Variants in RTN4IP1 observed in about 807,000 individuals in gnomAD.
RTN4IP1 encodes NAD(P)H oxidoreductase RTN4IP1, mitochondrial.
Under a neutral mutation model 46.6 loss-of-function variants are expected in RTN4IP1, and 32 were observed. The observed-to-expected ratio is 0.69, with a 90% confidence interval of 0.52 to 0.92. The LOEUF (loss-of-function observed/expected upper bound fraction) is 0.92. RTN4IP1 is among the 40% of genes least tolerant of loss of function. RTN4IP1 has a pLI of 0.00. For synonymous variants in RTN4IP1, 167 were observed against 161.8 expected, an observed-to-expected ratio of 1.03 and a Z score of -0.24; for missense variants, 424 against 485.8, an observed-to-expected ratio of 0.87 and a Z score of 1.20.
intron 4 of RTN4IP1, among the ~76,000 whole-genome samples, chr6:106,618,566 GA>G (rs1362789713): frequency 1.3e-5 from 2 of 152,214 alleles, no homozygotes; most frequent in African/African-American, 4.8e-5. Flanking sequence ...AAAAGTGAGT[GA>G]GTGGGTCACC....
chr6:106,586,662 C>T (rs1174325547), intron 7 of RTN4IP1, among the ~76,000 whole-genome samples: 2 of 152,070 alleles, frequency 1.3e-5, no homozygotes, highest in South Asian at 2.1e-4. Flanking sequence ...CATAAGACAC[C>T]GTGCCCAGCC....
In RTN4IP1 at chr6:106,628,976, C is replaced by A; in HGVS notation, c.46G>T (p.Ala16Ser). ...ACTTTGCTTCTCCAGAAGCAAACCGCAGTGCATGCATTTCTTCTAAGTACA... is the reference window on the plus strand; with the variant it reads ...ACTTTGCTTCTCCAGAAGCAAACCGAAGTGCATGCATTTCTTCTAAGTACA... Reference protein sequence around the residue: ...TCVLRRNACTAVCFWRSKVVQ... With the variant: ...TCVLRRNACTSVCFWRSKVVQ... Residue 16 changes from alanine (A) to serine (S), a missense_variant, in exon 1 of 9, where the codon GCG becomes TCG. Coordinates refer to ENST00000369063, the MANE Select transcript of RTN4IP1 (RefSeq NM_032730.5). 1.2e-6 allele frequency: 2 copies of A among 1,614,000 alleles called. No individual in the cohort carries two copies. Among genetic ancestry groups the A allele is most frequent in the Non-Finnish European group, 1.7e-6 (2 of 1,179,968 alleles).
At chr6:106,577,203 G>A (rs1254405488) in intron 8 of RTN4IP1, among the ~76,000 whole-genome samples, 1 of 152,058 alleles carries the variant, frequency 6.6e-6, no homozygotes, top group East Asian at 1.9e-4. Flanking sequence ...GGGAAGCCCA[G>A]GCAGGCAGAT....
chr6:106,622,168 CA>C (rs11351010), intron 2 of RTN4IP1, among the ~76,000 whole-genome samples: 10,840 of 151,840 alleles, frequency 0.071, 966 homozygotes, highest in African/African-American at 0.19. Context: ...ACAACAGAAC[CA>C]AAAAAGTGAT....
chr6:106,575,281 G>A (rs1347147458), intron 8 of RTN4IP1, among the ~76,000 whole-genome samples: 3 of 152,168 alleles, frequency 2.0e-5, no homozygotes, highest in Non-Finnish European at 1.5e-5. Flanking sequence ...GCTCACAGCC[G>A]GCCAGGGACG....
At chr6:106,580,982 A>T (rs1301644633) in intron 8 of RTN4IP1, among the ~76,000 whole-genome samples, 1 of 101,482 alleles carries the variant, frequency 9.9e-6, no homozygotes, top group South Asian at 2.9e-4. Flanking sequence ...TATGCTGTTA[A>T]AAAAAAAAAA....
intron 4 of RTN4IP1, among the ~76,000 whole-genome samples, chr6:106,605,435 A>G (rs1171352108): frequency 4.0e-5 from 6 of 151,306 alleles, no homozygotes; most frequent in African/African-American, 9.7e-5. Flanking sequence ...AAAAAAAAAA[A>G]AAAAGTGCCT....
intron 6 of RTN4IP1, among the ~76,000 whole-genome samples, chr6:106,588,805 T>C (rs549361676): frequency 6.6e-6 from 1 of 152,140 alleles, no homozygotes; most frequent in East Asian, 1.9e-4. Flanking sequence ...GAGTATCTTA[T>C]AGAACTAAAA....
At chr6:106,618,539 C>T (rs1365632705) in intron 4 of RTN4IP1, among the ~76,000 whole-genome samples, 1 of 152,166 alleles carries the variant, frequency 6.6e-6, no homozygotes, top group Non-Finnish European at 1.5e-5. Context: ...ATTTAACCTT[C>T]AAAACAAAAC....
intron 8 of RTN4IP1, among the ~76,000 whole-genome samples, chr6:106,579,433 C>T (rs1344672928): frequency 2.0e-5 from 3 of 152,060 alleles, no homozygotes; most frequent in African/African-American, 7.2e-5. Flanking sequence ...AATAAGGCTT[C>T]GTGATGACAG....
intron 4 of RTN4IP1, among the ~76,000 whole-genome samples, chr6:106,603,384 A>C (rs760136862): frequency 3.3e-5 from 5 of 152,216 alleles, no homozygotes; most frequent in Non-Finnish European, 5.9e-5. Flanking sequence ...AAGTTCATCA[A>C]CTTTCATAAA....
chr6:106,572,927 T>A (rs1253456282), intron 8 of RTN4IP1, among the ~76,000 whole-genome samples: 1 of 152,192 alleles, frequency 6.6e-6, no homozygotes, highest in Non-Finnish European at 1.5e-5. Context: ...AGGAGCTTCA[T>A]CAATGTCACT....
chr6:106,626,168 G>GATACC (rs1443776020), intron 1 of RTN4IP1, among the ~76,000 whole-genome samples: 1 of 152,138 alleles, frequency 6.6e-6, no homozygotes, highest in Non-Finnish European at 1.5e-5. Flanking sequence ...GAAGGTAGAA[G>GATACC]ATACCGAGAG....
At chr6:106,615,886 T>C (rs17565194) in intron 4 of RTN4IP1, among the ~76,000 whole-genome samples, 11,197 of 152,224 alleles carry the variant, frequency 0.074, 452 homozygotes, top group African/African-American at 0.1. Flanking sequence ...GATGGGCTGA[T>C]AAAAAGAAAA....
At chr6:106,627,009 T>C (rs952458138) in intron 1 of RTN4IP1, among the ~76,000 whole-genome samples, 2 of 152,190 alleles carry the variant, frequency 1.3e-5, no homozygotes, top group East Asian at 1.9e-4. Flanking sequence ...AAAATAGACA[T>C]GTCTCTTGCT....
Position 106,623,372 on chromosome 6 carries a change from C to G in RTN4IP1, c.275-403G>C, listed in dbSNP as rs186765215. 2.6e-3 allele frequency among the ~76,000 whole-genome samples: 396 copies of G among 152,248 alleles called. 2 individuals are homozygous for G. Among genetic ancestry groups the G allele is most frequent in the Middle Eastern group, 0.024 (7 of 294 alleles). On this transcript the variant is annotated intron_variant, in intron 1 of 8. Coordinates refer to ENST00000369063, the MANE Select transcript of RTN4IP1 (RefSeq NM_032730.5). ...GACACATAGAGGGGAACAACACACACTGGGGTTTTTCAGAGGGTGGAGGGT... is the reference window on the plus strand; with the variant it reads ...GACACATAGAGGGGAACAACACACAGTGGGGTTTTTCAGAGGGTGGAGGGT...
intron 1 of RTN4IP1, among the ~76,000 whole-genome samples, chr6:106,626,369 T>C (rs373988925): frequency 6.6e-6 from 1 of 152,204 alleles, no homozygotes; most frequent in African/African-American, 2.4e-5. Flanking sequence ...ACAACTTCAC[T>C]TGTAATATTC....
At chr6:106,602,540 C>T (rs2114655352) in intron 5 of RTN4IP1, among the ~76,000 whole-genome samples, 1 of 152,144 alleles carries the variant, frequency 6.6e-6, no homozygotes, top group East Asian at 1.9e-4. Flanking sequence ...TTCTTAAAAG[C>T]TTTCCTACGT....
chr6:106,615,605 G>A (rs1776331569), intron 4 of RTN4IP1, among the ~76,000 whole-genome samples: 1 of 152,020 alleles, frequency 6.6e-6, no homozygotes, highest in South Asian at 2.1e-4. Flanking sequence ...CTCCCGAGTA[G>A]CTGGGACTAC....
Sources: allele counts gnomAD v4.1 joint callset (sites outside exome capture counted in the v4.1 genomes callset), GRCh38; gene constraint gnomAD v4.1.1; transcripts MANE v1.5; gene names NCBI Gene and HGNC (gene_info 2026-07-23, HGNC 2026-07-21).